TENM3: variants seen among roughly 807,000 people sequenced by gnomAD.
TENM3 encodes the protein teneurin transmembrane protein 3.
Under a neutral mutation model 255.1 loss-of-function variants are expected in TENM3, and 63 were observed. That is an observed-to-expected ratio of 0.25 (90% CI 0.20 to 0.30). The LOEUF is 0.30. Ranked by LOEUF, TENM3 falls within the 10% of genes least tolerant of loss-of-function variation. The pLI is 1.00. For missense variants in TENM3, 2,929 were observed against 3,461.1 expected, an observed-to-expected ratio of 0.85 and a Z score of 3.86; for synonymous variants, 1,306 against 1,322.3, an observed-to-expected ratio of 0.99 and a Z score of 0.27.
chr4:182,400,575 T>G (rs1247310360), intron 3 of TENM3, among the ~76,000 whole-genome samples: 3 of 152,222 alleles, frequency 2.0e-5, no homozygotes, highest in Non-Finnish European at 4.4e-5. Flanking sequence ...AACATCTTTG[T>G]GGATGAGAAA....
chr4:182,100,207 C>T, the TENM3 span, among the ~76,000 whole-genome samples: 1 of 151,748 alleles, frequency 6.6e-6, no homozygotes, highest in Admixed American at 6.6e-5. Flanking sequence ...GACATGCTTA[C>T]AGGTTCTCTA....
the TENM3 span, among the ~76,000 whole-genome samples, chr4:182,015,293 C>G: frequency 6.6e-6 from 1 of 152,198 alleles, no homozygotes; most frequent in Non-Finnish European, 1.5e-5. Context: ...GAGGATTCAA[C>G]TATGTCTCAC....
intron 1 of TENM3, among the ~76,000 whole-genome samples, chr4:182,228,820 C>G (rs528000626): frequency 1.3e-5 from 2 of 152,090 alleles, no homozygotes; most frequent in Non-Finnish European, 2.9e-5. Flanking sequence ...TTTATTCTGT[C>G]AAATGATGGA....
At chr4:182,222,135 G>A (rs892705560) in intron 1 of TENM3, among the ~76,000 whole-genome samples, 7 of 152,194 alleles carry the variant, frequency 4.6e-5, no homozygotes, top group South Asian at 2.1e-4. Context: ...GGATTGCCCC[G>A]GGGAGTTTTC....
chr4:182,526,419 C>T (rs142961793), intron 3 of TENM3, among the ~76,000 whole-genome samples: 129 of 152,208 alleles, frequency 8.5e-4, no homozygotes, highest in African/African-American at 2.5e-3. Flanking sequence ...TGACATTCCC[C>T]TTCTTTTTTC....
At chr4:181,651,839 G>A in the TENM3 span, among the ~76,000 whole-genome samples, 8 of 152,148 alleles carry the variant, frequency 5.3e-5, no homozygotes, top group East Asian at 7.7e-4. Context: ...TAAAACATCC[G>A]TTCAAATAAG....
At chr4:181,773,922 CT>C in the TENM3 span, among the ~76,000 whole-genome samples, 1 of 150,590 alleles carries the variant, frequency 6.6e-6, no homozygotes, top group Non-Finnish European at 1.5e-5. Context: ...CATTGAGCCT[CT>C]TTTTCAAAAT....
intron 22 of TENM3, among the ~76,000 whole-genome samples, chr4:182,762,117 C>CA (rs1373804235): frequency 6.6e-6 from 1 of 152,152 alleles, no homozygotes; most frequent in Non-Finnish European, 1.5e-5. Context: ...AAAAATTGCA[C>CA]AAAAAATAAA....
At chr4:181,477,913 T>C in the TENM3 span, among the ~76,000 whole-genome samples, 1 of 152,020 alleles carries the variant, frequency 6.6e-6, no homozygotes, top group South Asian at 2.1e-4. Flanking sequence ...TTAAATGGCC[T>C]TACCCTCCCC....
intron 5 of TENM3, among the ~76,000 whole-genome samples, chr4:182,650,058 AT>A (rs1401506743): frequency 6.6e-6 from 1 of 150,702 alleles, no homozygotes; most frequent in African/African-American, 2.4e-5. Flanking sequence ...ACGAAAAAAA[AT>A]AAGTCATAAT....
chr4:181,640,996 A>G, the TENM3 span, among the ~76,000 whole-genome samples: 1 of 152,224 alleles, frequency 6.6e-6, no homozygotes, highest in African/African-American at 2.4e-5. Flanking sequence ...CTAGTGCATG[A>G]CAACATAAAC....
intron 19 of TENM3, among the ~76,000 whole-genome samples, chr4:182,746,953 G>A (rs2152741834): frequency 6.6e-6 from 1 of 152,208 alleles, no homozygotes; most frequent in Non-Finnish European, 1.5e-5. Flanking sequence ...TAGTTCATTG[G>A]AACTTCTTCT....
chr4:182,763,457 C>T (rs1040157126), intron 22 of TENM3, among the ~76,000 whole-genome samples: 5 of 151,798 alleles, frequency 3.3e-5, no homozygotes, highest in African/African-American at 7.3e-5. Flanking sequence ...CCCAGCTACT[C>T]GGGAGGCTGA....
At chr4:182,359,948 A>G (rs1444218609) in intron 3 of TENM3, among the ~76,000 whole-genome samples, 2 of 151,742 alleles carry the variant, frequency 1.3e-5, no homozygotes, top group East Asian at 3.9e-4. Flanking sequence ...TTCAAAGAAC[A>G]TCTTTATTTC....
At chr4:181,766,981 A>G in the TENM3 span, among the ~76,000 whole-genome samples, 55,532 of 151,094 alleles carry the variant, frequency 0.37, 11,069 homozygotes, top group Non-Finnish European at 0.45. Flanking sequence ...GGCCGGGCGC[A>G]GTGGCTCACG....
At chr4:181,926,221 A>G in the TENM3 span, among the ~76,000 whole-genome samples, 2 of 152,230 alleles carry the variant, frequency 1.3e-5, no homozygotes, top group African/African-American at 2.4e-5. Context: ...CATAAATGCA[A>G]CTATAGTATG....
intron 24 of TENM3, among the ~76,000 whole-genome samples, chr4:182,787,466 G>A (rs1765758475): frequency 6.6e-6 from 1 of 152,170 alleles, no homozygotes; most frequent in South Asian, 2.1e-4. Flanking sequence ...AGGCTCGGTG[G>A]CTCGTGCCTG....
chr4:181,577,158 T>A, the TENM3 span, among the ~76,000 whole-genome samples: 1 of 134,848 alleles, frequency 7.4e-6, no homozygotes, highest in African/African-American at 2.8e-5. Context: ...AATATATATA[T>A]AAATAATATA....
chr4:182,793,594 A>G lies in TENM3; in HGVS notation c.6922A>G (p.Ser2308Gly), dbSNP rs770318207. ...AGGGACACCACTGGCTGTGTTCAGT[A>G]GCAATGGGCTTATGCTGAAACAGAT... ...NTGTPLAVFS[S>G]NGLMLKQIQY... is the part of the protein sequence containing the mutation. The change falls in exon 26 of 28, where the codon AGC becomes GGC. Residue 2308 changes from serine (S) to glycine (G), a missense_variant. Ser to Gly is a moderately conservative substitution (Grantham distance 56). This residue lies in a region of TENM3 where 256 missense variants were observed against 389.3 expected (regional missense o/e 0.66). Coordinates refer to ENST00000511685, the MANE Select transcript of TENM3 (RefSeq NM_001080477.4). The surrounding 1 kb of genome is among the most constrained non-coding windows in gnomAD (Gnocchi z 5.7). 6.2e-7 allele frequency: 1 copy of G among 1,614,020 alleles called. No individual in the cohort carries two copies. The highest frequency in any genetic ancestry group is 2.2e-5 in the East Asian group (1 of 44,892).
Sources: gnomAD v4.1 joint callset for allele counts (sites outside exome capture counted in the v4.1 genomes callset) on GRCh38, gnomAD v4.1.1 for gene constraint, gnomAD v4.1.1 regional missense constraint, Gnocchi (gnomAD v3.1) non-coding constraint, MANE v1.5 for transcripts, NCBI Gene and HGNC (gene_info 2026-07-23, HGNC 2026-07-21) for gene names.